XKR4: variants seen among roughly 807,000 people sequenced by gnomAD.
The protein encoded by XKR4 is XK-related protein 4.
In XKR4, 12 loss-of-function variants were observed where a neutral mutation model predicts 53.9. The observed-to-expected ratio is 0.22, with a 90% CI of 0.14 to 0.36. The LOEUF is 0.36. Among genes scored for constraint, XKR4 ranks in the 10% least tolerant of loss-of-function variants. The pLI, the probability that XKR4 is intolerant of heterozygous loss-of-function variation, is 1.00. For missense variants in XKR4, 799 were observed against 859.5 expected, an observed-to-expected ratio of 0.93 and a Z score of 0.88; for synonymous variants, 354 against 362.4, an observed-to-expected ratio of 0.98 and a Z score of 0.26.
At chr8:55,409,565 G>GTTT (rs11381160) in intron 2 of XKR4, among the ~76,000 whole-genome samples, 2 of 149,126 alleles carry the variant, frequency 1.3e-5, no homozygotes, top group Non-Finnish European at 3.0e-5. Context: ...ACATGAAACA[G>GTTT]TTTTTTTTTT....
intron 1 of XKR4, among the ~76,000 whole-genome samples, chr8:55,282,563 C>A (rs1818857829): frequency 6.6e-6 from 1 of 152,116 alleles, no homozygotes; most frequent in Admixed American, 6.6e-5. Context: ...TTGAATCAAC[C>A]AGTTCTCCTG....
intron 1 of XKR4, among the ~76,000 whole-genome samples, chr8:55,118,574 A>G (rs1675036217): frequency 6.6e-6 from 1 of 152,242 alleles, no homozygotes. Flanking sequence ...TCTCAAATGC[A>G]TGCAATTCAA....
At chr8:55,339,978 A>T (rs978808720) in intron 1 of XKR4, among the ~76,000 whole-genome samples, 1 of 152,226 alleles carries the variant, frequency 6.6e-6, no homozygotes, top group Non-Finnish European at 1.5e-5. Context: ...TGGTGTTGCT[A>T]AATTGAATCC....
At chr8:55,217,315 A>T (rs4737951) in intron 1 of XKR4, among the ~76,000 whole-genome samples, 58,031 of 151,046 alleles carry the variant, frequency 0.38, 11,675 homozygotes, top group Middle Eastern at 0.48. Context: ...AACATATGAA[A>T]ATATGCTAAA....
intron 1 of XKR4, among the ~76,000 whole-genome samples, chr8:55,128,690 C>T (rs1192932040): frequency 6.6e-6 from 1 of 152,202 alleles, no homozygotes; most frequent in Non-Finnish European, 1.5e-5. Context: ...GCAAACCAAA[C>T]GTACCATGAT....
intron 2 of XKR4, among the ~76,000 whole-genome samples, chr8:55,485,679 G>C (rs149823754): frequency 6.6e-6 from 1 of 152,070 alleles, no homozygotes; most frequent in East Asian, 1.9e-4. Flanking sequence ...GATTACAGGC[G>C]TGAACCACCG....
At chr8:55,470,257 C>T (rs531538238) in intron 2 of XKR4, among the ~76,000 whole-genome samples, 177 of 152,152 alleles carry the variant, frequency 1.2e-3, no homozygotes, top group Middle Eastern at 3.4e-3. Flanking sequence ...AGGTACAAGA[C>T]GAGGTGATAT....
chr8:55,449,515 G>C, intron 2 of XKR4: 2 of 1,443,782 alleles, frequency 1.4e-6, no homozygotes, highest in Admixed American at 3.5e-5. Context: ...AGGCTCAGGC[G>C]TCCGACAGTC....
At chr8:55,514,090 A>G (rs1806673002) in intron 2 of XKR4, among the ~76,000 whole-genome samples, 1 of 152,226 alleles carries the variant, frequency 6.6e-6, no homozygotes, top group African/African-American at 2.4e-5. Context: ...CTACAGAAAA[A>G]GTGTGCCACC....
intron 1 of XKR4, among the ~76,000 whole-genome samples, chr8:55,314,420 T>C (rs114694941): frequency 0.011 from 1,666 of 152,144 alleles, 29 homozygotes; most frequent in African/African-American, 0.037. Context: ...GGCCCCCCCA[T>C]CGCTGGGGCA....
chr8:55,328,576 G>A (rs1211932676), intron 1 of XKR4, among the ~76,000 whole-genome samples: 5 of 152,166 alleles, frequency 3.3e-5, no homozygotes, highest in Admixed American at 6.5e-5. Context: ...CTTCACCTGT[G>A]TTTCCTGCAA....
intron 1 of XKR4, among the ~76,000 whole-genome samples, chr8:55,136,447 C>T (rs953601105): frequency 1.3e-5 from 2 of 152,018 alleles, no homozygotes; most frequent in Non-Finnish European, 2.9e-5. Context: ...AATTTTTTTC[C>T]TCACACCAGC....
intron 1 of XKR4, among the ~76,000 whole-genome samples, chr8:55,232,209 G>A (rs1818051852): frequency 6.6e-6 from 1 of 152,196 alleles, no homozygotes; most frequent in African/African-American, 2.4e-5. Flanking sequence ...CTTCAAATAG[G>A]AAAGTGGAAT....
At chr8:55,253,239 TA>T (rs35799778) in intron 1 of XKR4, among the ~76,000 whole-genome samples, 23,234 of 148,520 alleles carry the variant, frequency 0.16, 2,142 homozygotes, top group Non-Finnish European at 0.21. Flanking sequence ...TCCATGGTAG[TA>T]AAAAAAAAAA....
At position 55,526,800 on chromosome 8, in the gene XKR4, AG is replaced by A. The variant is rs1563373986; in HGVS notation, c.*2574del. 7.9e-5 allele frequency: 12 copies of A among 152,320 alleles called. No homozygotes were observed. The allele number at this position is 152,320 out of a possible 1,614,324, so 9.4% of individuals were successfully genotyped here. On this transcript the variant is annotated 3_prime_UTR_variant, in exon 3 of 3. Transcript: ENST00000327381. ...TTGATCCCTCATTCAACATGTTAAG[AG>A]TCAGAATGAATACTATGTCAATGAA...
intron 1 of XKR4, among the ~76,000 whole-genome samples, chr8:55,126,972 A>T (rs1259321038): frequency 6.6e-6 from 1 of 152,198 alleles, no homozygotes; most frequent in African/African-American, 2.4e-5. Flanking sequence ...GGTAAACAGG[A>T]TGTGGTTTCT....
chr8:55,390,789 G>T (rs1207161172), intron 2 of XKR4, among the ~76,000 whole-genome samples: 1 of 152,166 alleles, frequency 6.6e-6, no homozygotes, highest in African/African-American at 2.4e-5. Flanking sequence ...CAATGACTTT[G>T]TTCGCTGTAC....
intron 2 of XKR4, among the ~76,000 whole-genome samples, chr8:55,431,983 T>C (rs1001118877): frequency 6.6e-6 from 1 of 152,196 alleles, no homozygotes; most frequent in Non-Finnish European, 1.5e-5. Context: ...ATCTGATTCT[T>C]TCTTCATGGA....
At chr8:55,128,338 G>A (rs1206488276) in intron 1 of XKR4, among the ~76,000 whole-genome samples, 1 of 152,122 alleles carries the variant, frequency 6.6e-6, no homozygotes, top group African/African-American at 2.4e-5. Context: ...TCTTAAGCAG[G>A]GCCAGTGCTC....
Sources: allele counts gnomAD v4.1 joint callset (sites outside exome capture counted in the v4.1 genomes callset), GRCh38; gene constraint gnomAD v4.1.1; transcripts MANE v1.5; gene names NCBI Gene and HGNC (gene_info 2026-07-23, HGNC 2026-07-21).